CLVS1: variants seen among roughly 807,000 people sequenced by gnomAD.
CLVS1 encodes the protein clavesin-1.
In CLVS1, 10 loss-of-function variants were observed where a neutral mutation model predicts 33.1. The ratio of observed to expected loss-of-function variants is 0.30; its 90% confidence interval spans 0.19 to 0.51. CLVS1 has a LOEUF of 0.51. Ranked by LOEUF, CLVS1 falls within the 20% of genes least tolerant of loss-of-function variation. The pLI is 0.97. For missense variants in CLVS1, 343 were observed against 433.4 expected (o/e 0.79, Z 1.85); for synonymous variants, 163 against 166.1 (o/e 0.98, Z 0.14).
chr8:61,170,636 G>A (rs978924315), intron 2 of CLVS1, among the ~76,000 whole-genome samples: 1 of 152,112 alleles, frequency 6.6e-6, no homozygotes, highest in Non-Finnish European at 1.5e-5. Context: ...GGTGATCCAA[G>A]CATCCTCTCT....
At chr8:61,086,455 G>C (rs934022733) in intron 1 of CLVS1, among the ~76,000 whole-genome samples, 2 of 152,150 alleles carry the variant, frequency 1.3e-5, no homozygotes, top group Non-Finnish European at 2.9e-5. Flanking sequence ...ATATTGCAAA[G>C]AACATACTTA....
intron 2 of CLVS1, among the ~76,000 whole-genome samples, chr8:61,216,774 CATT>C (rs1715678855): frequency 6.6e-6 from 1 of 152,172 alleles, no homozygotes; most frequent in Admixed American, 6.5e-5. Flanking sequence ...CAGAGCTAAA[CATT>C]AGTTTGGATC....
At chr8:61,205,388 C>T (rs937515726) in intron 2 of CLVS1, among the ~76,000 whole-genome samples, 2 of 152,182 alleles carry the variant, frequency 1.3e-5, no homozygotes, top group Admixed American at 1.3e-4. Context: ...TTTGTCCTTT[C>T]GTGTTGCATA....
intron 4 of CLVS1, among the ~76,000 whole-genome samples, chr8:61,455,176 A>AC (rs1448315811): frequency 7.7e-5 from 6 of 78,094 alleles, no homozygotes; most frequent in Non-Finnish European, 1.5e-4. Flanking sequence ...TATAATTATG[A>AC]TTTGTGTGTG....
chr8:61,078,102 G>A (rs918038298), intron 1 of CLVS1, among the ~76,000 whole-genome samples: 1 of 152,210 alleles, frequency 6.6e-6, no homozygotes, highest in African/African-American at 2.4e-5. Flanking sequence ...CCTGGGTCAG[G>A]ATCCGAGGCA....
chr8:61,106,872 G>C (rs1805547931), intron 1 of CLVS1, among the ~76,000 whole-genome samples: 1 of 152,138 alleles, frequency 6.6e-6, no homozygotes. Flanking sequence ...CGGGCAAGCA[G>C]AGGGCCAGGT....
At chr8:61,159,202 T>C (rs1042965687) in intron 2 of CLVS1, among the ~76,000 whole-genome samples, 1 of 152,224 alleles carries the variant, frequency 6.6e-6, no homozygotes, top group African/African-American at 2.4e-5. Context: ...TGTTCCTTGG[T>C]TGTGCTTACA....
intron 3 of CLVS1, among the ~76,000 whole-genome samples, chr8:61,403,911 A>T (rs1814874077): frequency 6.6e-6 from 1 of 152,166 alleles, no homozygotes; most frequent in Non-Finnish European, 1.5e-5. Context: ...TGGCTGTGTG[A>T]TCAAGAAGGC....
chr8:61,464,878 G>C (rs1409403202), intron 5 of CLVS1: 1 of 152,256 alleles, frequency 6.6e-6, no homozygotes, highest in East Asian at 1.9e-4. Context: ...CTCCTGTAAG[G>C]CACCTCACTG....
chr8:61,075,220 C>T (rs1053452887), intron 1 of CLVS1, among the ~76,000 whole-genome samples: 11 of 152,132 alleles, frequency 7.2e-5, no homozygotes, highest in African/African-American at 1.9e-4. Flanking sequence ...GCTATTTTCA[C>T]GTAGCAGTCA....
chr8:61,185,235 G>C (rs920336801), intron 2 of CLVS1, among the ~76,000 whole-genome samples: 1 of 151,228 alleles, frequency 6.6e-6, no homozygotes, highest in Non-Finnish European at 1.5e-5. Flanking sequence ...GTTGACCCCT[G>C]GGCTCAAGGG....
chr8:61,331,469 A>G (rs1333076792), intron 2 of CLVS1, among the ~76,000 whole-genome samples: 1 of 149,446 alleles, frequency 6.7e-6, no homozygotes, highest in Non-Finnish European at 1.5e-5. Context: ...CTTTATTATT[A>G]TTATTATTAT....
the CLVS1 span, among the ~76,000 whole-genome samples, chr8:60,981,317 G>C: frequency 6.6e-6 from 1 of 152,182 alleles, no homozygotes; most frequent in Non-Finnish European, 1.5e-5. Context: ...ACAGATGCTA[G>C]AACATAAGAA....
chr8:61,071,461 T>G (rs1270612867), intron 1 of CLVS1, among the ~76,000 whole-genome samples: 3 of 152,196 alleles, frequency 2.0e-5, no homozygotes, highest in African/African-American at 4.8e-5. Context: ...CTTCCTCCTA[T>G]GCAGTCAGAT....
At chr8:61,375,472 A>G (rs1391189228) in intron 2 of CLVS1, among the ~76,000 whole-genome samples, 1 of 152,154 alleles carries the variant, frequency 6.6e-6, no homozygotes, top group South Asian at 2.1e-4. Flanking sequence ...GCTGGTCTCA[A>G]TCTCCTGACA....
At chr8:61,113,743 G>A (rs1805669668) in intron 1 of CLVS1, among the ~76,000 whole-genome samples, 2 of 152,154 alleles carry the variant, frequency 1.3e-5, no homozygotes, top group Non-Finnish European at 2.9e-5. Flanking sequence ...TCCTACCCTG[G>A]GTCCTGGCTG....
At chr8:61,005,892 G>A in the CLVS1 span, among the ~76,000 whole-genome samples, 2 of 152,156 alleles carry the variant, frequency 1.3e-5, no homozygotes, top group Admixed American at 6.5e-5. Flanking sequence ...CACCCCAGCC[G>A]AGGCGGGGGA....
chr8:60,998,510 C>T, the CLVS1 span, among the ~76,000 whole-genome samples: 1 of 152,048 alleles, frequency 6.6e-6, no homozygotes, highest in Non-Finnish European at 1.5e-5. Context: ...GTTTGGCTAC[C>T]ATCACACTTG....
At chr8:61,133,745 G>A (rs933093276) in intron 2 of CLVS1, among the ~76,000 whole-genome samples, 6 of 152,126 alleles carry the variant, frequency 3.9e-5, no homozygotes, top group Non-Finnish European at 7.3e-5. Context: ...AAGAGTCTTG[G>A]TGATGAAGCC....
Sources: allele counts gnomAD v4.1 joint callset (sites outside exome capture counted in the v4.1 genomes callset), GRCh38; gene constraint gnomAD v4.1.1; transcripts MANE v1.5; gene names NCBI Gene and HGNC (gene_info 2026-07-23, HGNC 2026-07-21).